The following ROBO2 variants were observed in gnomAD, a reference collection of about 807,000 sequenced individuals.
ROBO2 encodes the protein roundabout homolog 2.
Under a neutral mutation model 160.8 loss-of-function variants are expected in ROBO2, and 53 were observed. That is an observed-to-expected ratio of 0.33 (90% CI 0.26 to 0.41). The LOEUF (loss-of-function observed/expected upper bound fraction) is 0.41, where lower values mean the gene tolerates loss of function less well. Ranked by LOEUF, ROBO2 falls within the 10% of genes least tolerant of loss-of-function variation. ROBO2 has a pLI of 1.00. For missense variants in ROBO2, 1,577 were observed against 1,722.4 expected (o/e 0.92, Z 1.49); for synonymous variants, 664 against 611.7 (o/e 1.09, Z -1.26).
chr3:76,176,928 C>G (rs2073253139), intron 2 of ROBO2, among the ~76,000 whole-genome samples: 1 of 152,030 alleles, frequency 6.6e-6, no homozygotes, highest in South Asian at 2.1e-4. Context: ...AAGGGTAAAA[C>G]TAGAATTTGA....
intron 2 of ROBO2, among the ~76,000 whole-genome samples, chr3:76,112,075 C>A (rs923540604): frequency 1.1e-4 from 16 of 152,284 alleles, no homozygotes; most frequent in Admixed American, 2.0e-4. Context: ...GTGGCCTCCC[C>A]TTCTATCCAA....
At position 76,409,299 on chromosome 3, in the gene ROBO2, C is replaced by A. The variant is rs1192104550; in HGVS notation, c.109+471697C>A. On this transcript the variant is annotated intron_variant, in intron 2 of 26. Coordinates refer to the ROBO2 transcript ENST00000487694. Reference sequence around the variant, plus strand: ...TGGTCATTTCAGAAACAATTTTTTTCCTTAGTTTCCACATTTCTTAGCAGA... The same window carrying A: ...TGGTCATTTCAGAAACAATTTTTTTACTTAGTTTCCACATTTCTTAGCAGA... Among the ~76,000 whole-genome samples, 3 of 151,964 alleles carry A rather than the reference C, an allele frequency of 2.0e-5. No individual in the cohort carries two copies. The South Asian group carries it at 6.2e-4, about 32-fold the overall frequency.
At chr3:76,115,840 C>T (rs1039606476) in intron 2 of ROBO2, among the ~76,000 whole-genome samples, 2 of 152,082 alleles carry the variant, frequency 1.3e-5, no homozygotes, top group African/African-American at 4.8e-5. Flanking sequence ...GACAGCCAAT[C>T]TCTTTGAGGT....
intron 2 of ROBO2, among the ~76,000 whole-genome samples, chr3:76,386,973 A>G (rs1437508680): frequency 6.6e-6 from 1 of 152,210 alleles, no homozygotes; most frequent in Admixed American, 6.5e-5. Flanking sequence ...TCCTGCTGCT[A>G]TAACAAAATT....
chr3:77,445,741 T>C (rs548049248), intron 2 of ROBO2, among the ~76,000 whole-genome samples: 1 of 151,824 alleles, frequency 6.6e-6, no homozygotes, highest in South Asian at 2.1e-4. Flanking sequence ...TAATTAATTG[T>C]AGTAGCATAT....
At chr3:76,539,198 A>G (rs139627317) in intron 2 of ROBO2, among the ~76,000 whole-genome samples, 1 of 152,094 alleles carries the variant, frequency 6.6e-6, no homozygotes, top group East Asian at 1.9e-4. Flanking sequence ...CTGTCGGGGG[A>G]TGAGAGGAAA....
intron 6 of ROBO2, among the ~76,000 whole-genome samples, chr3:77,542,801 C>T (rs2092531403): frequency 1.3e-5 from 2 of 152,144 alleles, no homozygotes; most frequent in African/African-American, 4.8e-5. Flanking sequence ...AGCTCTTTGT[C>T]TTTGCTCTTT....
At chr3:77,533,492 A>G (rs1168705108) in intron 6 of ROBO2, among the ~76,000 whole-genome samples, 1 of 152,164 alleles carries the variant, frequency 6.6e-6, no homozygotes, top group African/African-American at 2.4e-5. Context: ...ATCCACTTCA[A>G]AGTTCCTTGG....
At chr3:77,483,738 T>C (rs1273024371) in intron 4 of ROBO2, among the ~76,000 whole-genome samples, 1 of 147,752 alleles carries the variant, frequency 6.8e-6, no homozygotes, top group Non-Finnish European at 1.5e-5. Context: ...TGTAAATATA[T>C]TATATTTTAT....
intron 2 of ROBO2, among the ~76,000 whole-genome samples, chr3:76,085,271 A>G (rs2068973840): frequency 6.6e-6 from 1 of 152,150 alleles, no homozygotes; most frequent in Non-Finnish European, 1.5e-5. Context: ...ACCTTTAACA[A>G]ATGTTTGATT....
intron 2 of ROBO2, among the ~76,000 whole-genome samples, chr3:76,607,859 C>A (rs565603544): frequency 3.3e-5 from 5 of 152,304 alleles, no homozygotes. Flanking sequence ...TCTTTCAAAT[C>A]TATTCTCTTC....
At chr3:76,250,174 A>G (rs1559683850) in intron 2 of ROBO2, among the ~76,000 whole-genome samples, 1 of 152,058 alleles carries the variant, frequency 6.6e-6, no homozygotes, top group East Asian at 1.9e-4. Context: ...AAACAAGCAA[A>G]CAGAAAAGAA....
intron 2 of ROBO2, among the ~76,000 whole-genome samples, chr3:77,329,002 C>T (rs1008377255): frequency 6.6e-6 from 1 of 152,172 alleles, no homozygotes; most frequent in Non-Finnish European, 1.5e-5. Context: ...CTTGCGTTCT[C>T]TTGTCAAACT....
intron 2 of ROBO2, among the ~76,000 whole-genome samples, chr3:77,182,376 A>G (rs1431199119): frequency 6.6e-6 from 1 of 152,110 alleles, no homozygotes; most frequent in African/African-American, 2.4e-5. Flanking sequence ...CTTGTCTAGG[A>G]GGAGAGAAAG....
chr3:77,138,912 A>G (rs1305689330), intron 2 of ROBO2, among the ~76,000 whole-genome samples: 1 of 150,426 alleles, frequency 6.6e-6, no homozygotes, highest in East Asian at 1.9e-4. Flanking sequence ...TGAGAAAAGG[A>G]AAAAAAAAAT....
chr3:77,526,778 T>G (rs2091204492), intron 6 of ROBO2, among the ~76,000 whole-genome samples: 1 of 151,506 alleles, frequency 6.6e-6, no homozygotes. Context: ...CATTGTTTCC[T>G]GCCCTCTGCC....
At chr3:76,229,312 A>C in intron 2 of ROBO2, among the ~76,000 whole-genome samples, 1 of 152,116 alleles carries the variant, frequency 6.6e-6, no homozygotes, top group East Asian at 1.9e-4. Flanking sequence ...TCAATATCTT[A>C]GCAAATCTAA....
intron 2 of ROBO2, among the ~76,000 whole-genome samples, chr3:77,104,224 C>T (rs921322157): frequency 2.0e-5 from 3 of 152,046 alleles, no homozygotes. Context: ...ATTCCTGCAC[C>T]CTCTCACCCC....
At chr3:77,199,827 T>C (rs1482723620) in intron 2 of ROBO2, among the ~76,000 whole-genome samples, 1 of 150,954 alleles carries the variant, frequency 6.6e-6, no homozygotes, top group Non-Finnish European at 1.5e-5. Flanking sequence ...ATGACCCCAC[T>C]ATGTTGCCAA....
Sources: gnomAD v4.1 joint callset for allele counts (sites outside exome capture counted in the v4.1 genomes callset) on GRCh38, gnomAD v4.1.1 for gene constraint, MANE v1.5 for transcripts, NCBI Gene and HGNC (gene_info 2026-07-23, HGNC 2026-07-21) for gene names.